Variants in C12orf56 observed in about 807,000 individuals in gnomAD.
The protein encoded by C12orf56 is chromosome 12 open reading frame 56.
C12orf56 carries 71 observed loss-of-function variants against 69.9 expected under a neutral mutation model. The observed-to-expected ratio is 1.02, with a 90% CI of 0.84 to 1.24. The LOEUF (loss-of-function observed/expected upper bound fraction) is 1.24, where lower values mean the gene tolerates loss of function less well. Ranked by LOEUF, C12orf56 falls within the 50% of genes most tolerant of loss-of-function variation. The probability of loss-of-function intolerance (pLI) is 0.00; values close to 1 mark genes in which losing one functional copy is unlikely to be tolerated. For missense variants in C12orf56, 732 were observed against 738.5 expected (o/e 0.99, Z 0.10); for synonymous variants, 276 against 274.1 (o/e 1.01, Z -0.07).
Position 64,318,988 on chromosome 12 carries a change from G to A in C12orf56, c.489-8C>T. On this transcript the variant is annotated splice_polypyrimidine_tract_variant and splice_region_variant and intron_variant, in intron 3 of 12. Transcript: ENST00000543942. ...CTGCTCTCCTGCTGGTCCCTGTCAG[G>A]TAGAATTTAGTATTAAACATGACAT... is the stretch of plus-strand genomic sequence containing the variant. 6.9e-7 allele frequency: 1 copy of A among 1,458,008 alleles called. No individual in the cohort carries two copies. The highest frequency in any genetic ancestry group is 2.5e-5 in the East Asian group (1 of 40,160). 90.3% of individuals were successfully genotyped at this position (1,458,008 alleles called of 1,614,324 possible). A position where few individuals can be genotyped will look rare whatever the true frequency, so the allele number is the denominator to read the frequency against.
At chr12:64,270,741 T>C (rs2037976829) in intron 11 of C12orf56, 27 bp from the exon 12 acceptor site, 2 of 1,560,320 alleles carry the variant, frequency 1.3e-6, no homozygotes, top group African/African-American at 2.7e-5. Context: ...CAGTTACATG[T>C]AGGCTGTGTG....
At chr12:64,267,567 T>C (rs1490908177) in intron 12 of C12orf56, 2 of 381,146 alleles carry the variant, frequency 5.2e-6, no homozygotes, top group African/African-American at 2.1e-5. Flanking sequence ...TCCTGCTTCT[T>C]GGTTTATCAG....
At chr12:64,314,783 CG>C (rs1323140315) in intron 4 of C12orf56, among the ~76,000 whole-genome samples, 1 of 151,694 alleles carries the variant, frequency 6.6e-6, no homozygotes, top group East Asian at 1.9e-4. Flanking sequence ...TATAGGCGCC[CG>C]CCACCACGCC....
intron 2 of C12orf56, among the ~76,000 whole-genome samples, chr12:64,345,361 A>C (rs1565766755): frequency 6.6e-6 from 1 of 152,186 alleles, no homozygotes; most frequent in African/African-American, 2.4e-5. Context: ...TGATGGCAGC[A>C]TGGATCAGGG....
intron 1 of C12orf56, among the ~76,000 whole-genome samples, chr12:64,354,859 G>A (rs1432919200): frequency 3.3e-5 from 5 of 149,946 alleles, no homozygotes; most frequent in East Asian, 2.0e-4. Flanking sequence ...CCAGTGGATC[G>A]CCTGAAGTCA....
intron 10 of C12orf56, 126 bp downstream of exon 10, chr12:64,275,172 A>C (rs2038034921): frequency 2.1e-5 from 15 of 700,260 alleles, no homozygotes; most frequent in Non-Finnish European, 3.0e-5. Flanking sequence ...TCTCAAGTAC[A>C]AGCATTTTTG....
chr12:64,367,944 A>G (rs1286125722), intron 1 of C12orf56, among the ~76,000 whole-genome samples: 4 of 150,460 alleles, frequency 2.7e-5, no homozygotes, highest in African/African-American at 9.8e-5. Context: ...AGTAGCTGGG[A>G]TTACAGGTGC....
intron 2 of C12orf56, among the ~76,000 whole-genome samples, chr12:64,343,937 T>C (rs1592471315): frequency 6.6e-6 from 1 of 152,168 alleles, no homozygotes; most frequent in Non-Finnish European, 1.5e-5. Flanking sequence ...TTATGCTGTC[T>C]GGCACTGGGG....
chr12:64,347,641 G>A (rs1282310322), intron 2 of C12orf56, among the ~76,000 whole-genome samples: 1 of 152,078 alleles, frequency 6.6e-6, no homozygotes, highest in African/African-American at 2.4e-5. Context: ...TCTTCTACCT[G>A]TCTCTCTAGT....
chr12:64,274,835 T>C, intron 11 of C12orf56, 66 bp downstream of exon 11: 2 of 1,238,522 alleles, frequency 1.6e-6, no homozygotes, highest in South Asian at 1.6e-5. Flanking sequence ...GTTTTATTAA[T>C]TAAGCACAAG....
intron 1 of C12orf56, among the ~76,000 whole-genome samples, chr12:64,380,148 A>C (rs11175373): frequency 0.26 from 34,908 of 135,332 alleles, 4,752 homozygotes; most frequent in East Asian, 0.54. Flanking sequence ...AACAAACAAA[A>C]AAAAACGCAC....
intron 7 of C12orf56, 69 bp from the exon 8 acceptor site, chr12:64,284,822 T>C: frequency 2.4e-6 from 3 of 1,243,438 alleles, no homozygotes; most frequent in Non-Finnish European, 3.3e-6. Flanking sequence ...TCCACAAAAG[T>C]AGTAATTTTT....
At chr12:64,355,701 T>C (rs1451230453) in intron 1 of C12orf56, 1 of 152,202 alleles carries the variant, frequency 6.6e-6, no homozygotes, top group Non-Finnish European at 1.5e-5. Flanking sequence ...TACTGAAACA[T>C]TGGCTACTTG....
chr12:64,359,713 T>TATC (rs1464657723), intron 1 of C12orf56, among the ~76,000 whole-genome samples: 1 of 152,082 alleles, frequency 6.6e-6, no homozygotes, highest in Non-Finnish European at 1.5e-5. Context: ...GAAGCTCTTT[T>TATC]ATTATTATTA....
intron 1 of C12orf56, among the ~76,000 whole-genome samples, chr12:64,385,529 A>G (rs1305030284): frequency 6.6e-6 from 1 of 152,132 alleles, no homozygotes; most frequent in Admixed American, 6.5e-5. Flanking sequence ...ATTTGTTCCT[A>G]AGATCAGTGC....
intron 1 of C12orf56, among the ~76,000 whole-genome samples, chr12:64,376,613 AC>A (rs1392947851): frequency 8.0e-5 from 7 of 87,036 alleles, no homozygotes; most frequent in Non-Finnish European, 1.7e-4. Flanking sequence ...CCCTTCTCCC[AC>A]CCCCACCCTC....
rs1242426728 is a variant in C12orf56 at position 64,366,915 on chromosome 12, A to AAC, written c.253-13861_253-13860dup. Among the ~76,000 whole-genome samples, 8 of 129,602 alleles carry AAC rather than the reference A, an allele frequency of 6.2e-5. 1 individual carries two copies. Among genetic ancestry groups the AAC allele is most frequent in the Admixed American group, 2.7e-4 (3 of 11,206 alleles). 85.0% of individuals were successfully genotyped at this position (129,602 alleles called of 152,430 possible). ...AACATACAGTTTATATATTATATAT[A>AAC]ACACAGTTTATATATTATATATAAC... is the stretch of plus-strand genomic sequence containing the variant. On this transcript the variant is annotated intron_variant, in intron 1 of 12. Transcript: ENST00000543942.
intron 3 of C12orf56, among the ~76,000 whole-genome samples, chr12:64,330,577 C>G (rs2038916600): frequency 6.6e-6 from 1 of 152,142 alleles, no homozygotes; most frequent in African/African-American, 2.4e-5. Context: ...TGTGCAAATG[C>G]TGTATATCTT....
At chr12:64,336,789 G>T (rs6581544) in intron 2 of C12orf56, among the ~76,000 whole-genome samples, 21,020 of 152,136 alleles carry the variant, frequency 0.14, 1,498 homozygotes, top group East Asian at 0.19. Context: ...TACACAAGCT[G>T]GATGCCAGAA....
Sources: gnomAD v4.1 joint callset for allele counts (sites outside exome capture counted in the v4.1 genomes callset) on GRCh38, gnomAD v4.1.1 for gene constraint, MANE v1.5 for transcripts, NCBI Gene and HGNC (gene_info 2026-07-23, HGNC 2026-07-21) for gene names.